FGF12: variants seen among roughly 807,000 people sequenced by gnomAD.
The protein encoded by FGF12 is fibroblast growth factor 12.
In FGF12, 14 loss-of-function variants were observed where a neutral mutation model predicts 23.6. That is an observed-to-expected ratio of 0.59 (90% CI 0.39 to 0.93). FGF12 has a LOEUF of 0.93. Among genes scored for constraint, FGF12 ranks in the 40% least tolerant of loss-of-function variants. The probability of loss-of-function intolerance (pLI) is 0.00; values close to 1 mark genes in which losing one functional copy is unlikely to be tolerated. For missense variants in FGF12, 175 were observed against 217.8 expected (o/e 0.80, Z 1.24); for synonymous variants, 62 against 77.3 (o/e 0.80, Z 1.04).
intron 5 of FGF12, among the ~76,000 whole-genome samples, chr3:192,147,999 A>G (rs1713820333): frequency 6.6e-6 from 1 of 151,074 alleles, no homozygotes; most frequent in Non-Finnish European, 1.5e-5. Flanking sequence ...TTGAAACCCT[A>G]TTCATTTCTA....
chr3:192,236,660 A>C (rs1226483424), intron 4 of FGF12, among the ~76,000 whole-genome samples: 1 of 152,120 alleles, frequency 6.6e-6, no homozygotes, highest in Non-Finnish European at 1.5e-5. Flanking sequence ...TATCTGAAAT[A>C]ATAATAGCCA....
intron 2 of FGF12, among the ~76,000 whole-genome samples, chr3:192,640,611 C>T (rs928077299): frequency 1.3e-5 from 2 of 152,164 alleles, no homozygotes; most frequent in Admixed American, 6.5e-5. Context: ...AGTGTCCACA[C>T]AGTCAGCCCA....
intron 4 of FGF12, among the ~76,000 whole-genome samples, chr3:192,284,925 G>GT (rs1379337476): frequency 1.3e-5 from 2 of 152,038 alleles, no homozygotes; most frequent in African/African-American, 4.8e-5. Context: ...TGACTCTGAA[G>GT]TTATGAATGT....
intron 2 of FGF12, among the ~76,000 whole-genome samples, chr3:192,638,132 A>G (rs1715652565): frequency 6.6e-6 from 1 of 152,134 alleles, no homozygotes; most frequent in South Asian, 2.1e-4. Flanking sequence ...GTGTGTGTAT[A>G]TATGTACATA....
chr3:192,519,506 T>A (rs1724761800), intron 2 of FGF12, among the ~76,000 whole-genome samples: 1 of 152,284 alleles, frequency 6.6e-6, no homozygotes, highest in South Asian at 2.1e-4. Flanking sequence ...CTGGTTAAAG[T>A]TATGTCTACT....
At chr3:192,163,228 A>G (rs1714976488) in intron 5 of FGF12, among the ~76,000 whole-genome samples, 1 of 152,104 alleles carries the variant, frequency 6.6e-6, no homozygotes, top group Admixed American at 6.6e-5. Context: ...TCATTGCCAA[A>G]TTTTGACCCA....
chr3:192,646,294 C>T (rs1716003872), intron 2 of FGF12, among the ~76,000 whole-genome samples: 1 of 151,944 alleles, frequency 6.6e-6, no homozygotes, highest in South Asian at 2.1e-4. Context: ...GGAAGTAAAG[C>T]CTACAAAAGA....
chr3:192,232,131 T>C (rs1040012779), intron 4 of FGF12, among the ~76,000 whole-genome samples: 1 of 152,142 alleles, frequency 6.6e-6, no homozygotes, highest in Non-Finnish European at 1.5e-5. Flanking sequence ...TGTCATATCA[T>C]TAAAACCCAG....
At chr3:192,323,732 T>C (rs7630564) in intron 4 of FGF12, among the ~76,000 whole-genome samples, 35,608 of 152,058 alleles carry the variant, frequency 0.23, 5,205 homozygotes, top group African/African-American at 0.4. Flanking sequence ...AAAGGGTAAG[T>C]GTTTGAGGTA....
At chr3:192,645,035 T>C (rs1463907905) in intron 2 of FGF12, among the ~76,000 whole-genome samples, 1 of 152,022 alleles carries the variant, frequency 6.6e-6, no homozygotes, top group African/African-American at 2.4e-5. Flanking sequence ...AGGCACACAG[T>C]TTTTAAAAAG....
chr3:192,618,898 A>G (rs1714865699), intron 2 of FGF12, among the ~76,000 whole-genome samples: 1 of 152,052 alleles, frequency 6.6e-6, no homozygotes, highest in African/African-American at 2.4e-5. Flanking sequence ...GAATGCACAG[A>G]CAAGACCTGG....
Position 192,686,006 on chromosome 3 carries a change from G to A in FGF12, c.13+41175C>T, listed in dbSNP as rs78636345. ...CACTCCTGAGCCCTGGAGGCAAAGCGTGGCGCAATCAGGGATGTTGTGAAG... is the reference window on the plus strand; with the variant it reads ...CACTCCTGAGCCCTGGAGGCAAAGCATGGCGCAATCAGGGATGTTGTGAAG... On this transcript the variant is annotated intron_variant, in intron 2 of 5. Transcript: ENST00000445105. Among the ~76,000 whole-genome samples the A allele has an allele frequency of 7.1e-3, 1,075 of 152,306 alleles. 11 individuals carry two copies. Among genetic ancestry groups the A allele is most frequent in the African/African-American group, 0.024 (1,016 of 41,568 alleles).
In FGF12 at chr3:192,214,711, G is replaced by C. The variant is rs560918494; in HGVS notation, c.229-44055C>G. Reference sequence around the variant, plus strand: ...AGTTGTTAAAAATGCCAACTCATAAGCATTGTTAGTCCAAGGCCAACAGCT... The same window carrying C: ...AGTTGTTAAAAATGCCAACTCATAACCATTGTTAGTCCAAGGCCAACAGCT... On this transcript the variant is annotated intron_variant, in intron 4 of 5. Coordinates refer to ENST00000445105, the MANE Select transcript of FGF12 (RefSeq NM_004113.6). Among the ~76,000 whole-genome samples, 15 of 152,308 alleles carry C rather than the reference G, an allele frequency of 9.8e-5. No individual in the cohort carries two copies. The South Asian group carries it at 3.1e-3, about 32-fold the overall frequency.
In FGF12 at chr3:192,517,973, A is replaced by T. The variant is rs184700921; in HGVS notation, c.14-157435T>A. On this transcript the variant is annotated intron_variant, in intron 2 of 5. Transcript: ENST00000445105. ...AACATCCCAAAAAAGACAAAACAAAACAAAAAAAATAGCCAGGAGCACATG... is the reference window on the plus strand; with the variant it reads ...AACATCCCAAAAAAGACAAAACAAATCAAAAAAAATAGCCAGGAGCACATG... Among the ~76,000 whole-genome samples the T allele has an allele frequency of 1.5e-3, 221 of 152,218 alleles. 1 individual carries two copies. Among genetic ancestry groups the T allele is most frequent in the Non-Finnish European group, 2.3e-3 (159 of 67,976 alleles).
At chr3:192,666,065 A>G (rs1716861835) in intron 2 of FGF12, among the ~76,000 whole-genome samples, 1 of 152,218 alleles carries the variant, frequency 6.6e-6, no homozygotes, top group Non-Finnish European at 1.5e-5. Flanking sequence ...AGTAGAAGAG[A>G]GAAAGATTTT....
chr3:192,262,146 A>T (rs1375314958), intron 4 of FGF12, among the ~76,000 whole-genome samples: 1 of 152,316 alleles, frequency 6.6e-6, no homozygotes, highest in East Asian at 1.9e-4. Flanking sequence ...ACAGACTGCT[A>T]TGAATTTTGT....
chr3:192,335,148 A>G (rs1362946670), intron 4 of FGF12, among the ~76,000 whole-genome samples: 3 of 152,252 alleles, frequency 2.0e-5, no homozygotes, highest in African/African-American at 7.2e-5. Context: ...AAGAATTTAT[A>G]TCGCATGGAG....
intron 2 of FGF12, among the ~76,000 whole-genome samples, chr3:192,386,807 TA>T (rs1169200978): frequency 1.3e-5 from 2 of 152,152 alleles, no homozygotes; most frequent in African/African-American, 4.8e-5. Flanking sequence ...TAACCTCTGG[TA>T]ATATAAAGAA....
chr3:192,397,671 G>A (rs1386573969), intron 2 of FGF12, among the ~76,000 whole-genome samples: 1 of 152,164 alleles, frequency 6.6e-6, no homozygotes, highest in Admixed American at 6.6e-5. Context: ...GCCTCTGTGG[G>A]TGACTCTGGG....
Sources: gnomAD v4.1 joint callset for allele counts (sites outside exome capture counted in the v4.1 genomes callset) on GRCh38, gnomAD v4.1.1 for gene constraint, MANE v1.5 for transcripts, NCBI Gene and HGNC (gene_info 2026-07-23, HGNC 2026-07-21) for gene names.